CCT2: variants seen among roughly 807,000 people sequenced by gnomAD.
CCT2 encodes chaperonin containing TCP1 subunit 2.
In CCT2, 18 loss-of-function variants were observed where a neutral mutation model predicts 61.8. The observed-to-expected ratio is 0.29, with a 90% CI of 0.20 to 0.43. The LOEUF (loss-of-function observed/expected upper bound fraction) is 0.43, where lower values mean the gene tolerates loss of function less well. Among genes scored for constraint, CCT2 ranks in the 20% least tolerant of loss-of-function variants. The probability of loss-of-function intolerance (pLI) is 1.00; values close to 1 mark genes in which losing one functional copy is unlikely to be tolerated. For synonymous variants in CCT2, 248 were observed against 215.9 expected, an observed-to-expected ratio of 1.15 and a Z score of -1.30; for missense variants, 556 against 656.9, an observed-to-expected ratio of 0.85 and a Z score of 1.68.
chr12:69,597,423 T>G (rs1437007361), intron 11 of CCT2, 148 bp downstream of exon 11: 1 of 1,151,326 alleles, frequency 8.7e-7, no homozygotes, highest in Non-Finnish European at 1.2e-6. Context: ...GTCTCTTGAG[T>G]CAACCTCATA....
Position 69,593,004 on chromosome 12 carries a change from C to A in CCT2, c.779C>A (p.Ser260Tyr), listed in dbSNP as rs1881881779. The A allele has an allele frequency of 6.2e-7, 1 of 1,613,378 alleles. No individual in the cohort carries two copies. The highest frequency in any genetic ancestry group is 1.3e-5 in the African/African-American group (1 of 74,858). Residue 260 changes from serine to tyrosine, a missense_variant, in exon 9 of 16, where the codon TCT becomes TAT. Ser to Tyr is a moderately radical substitution (Grantham distance 144, BLOSUM62 -2). Coordinates refer to ENST00000299300, the MANE Select transcript of CCT2 (RefSeq NM_006431.3). ...TTTGGTTCCCGGGTAAGAGTTGACT[C>A]TACAGCAAAGGTTGCAGAAATAGAA... is the stretch of plus-strand genomic sequence containing the variant. The part of the protein sequence containing the change: ...KIFGSRVRVD[S>Y]TAKVAEIEHA...
chr12:69,595,754 C>T (rs971841328), intron 10 of CCT2, among the ~76,000 whole-genome samples: 5 of 150,806 alleles, frequency 3.3e-5, no homozygotes, highest in South Asian at 2.1e-4. Flanking sequence ...ATAAACATAT[C>T]GTAAGGTCTT....
At chr12:69,597,433 A>G (rs576931199) in intron 11 of CCT2, among the ~76,000 whole-genome samples, 158 bp downstream of exon 11, 136 of 152,234 alleles carry the variant, frequency 8.9e-4, no homozygotes, top group African/African-American at 3.1e-3. Context: ...TCAACCTCAT[A>G]TTTACCGTGT....
chr12:69,593,375 A>T, intron 9 of CCT2, 135 bp from the exon 10 acceptor site: 1 of 643,216 alleles, frequency 1.6e-6, no homozygotes, highest in Non-Finnish European at 2.6e-6. Context: ...CTCTAATTAT[A>T]TAGGTAAGAA....
chr12:69,589,459 A>G, intron 6 of CCT2, 26 bp from the exon 7 acceptor site: 1 of 1,556,644 alleles, frequency 6.4e-7, no homozygotes, highest in East Asian at 2.2e-5. Context: ...TAGGGTTAAT[A>G]TGTATATTTG....
At chr12:69,593,665 T>G in intron 10 of CCT2, 52 bp downstream of exon 10, 1 of 1,102,148 alleles carries the variant, frequency 9.1e-7, no homozygotes, top group East Asian at 2.4e-5. Flanking sequence ...ACTCTTGAAT[T>G]TGTTATTTGT....
In CCT2 at chr12:69,587,991, A is replaced by C; in HGVS notation, c.318A>C (p.Ala106=). The change falls in exon 5 of 16, where the codon GCA becomes GCC. Residue 106 remains alanine, a synonymous_variant. Coordinates refer to ENST00000299300, the MANE Select transcript of CCT2 (RefSeq NM_006431.3). ...GCACTACCTCTGTTACCGTTTTAGC[A>C]GCAGAATTATTAAGGGTAAGAGCAA... The part of the protein sequence containing the change: ...GDGTTSVTVL[A]AELLREAESL... 1.2e-6 allele frequency: 2 copies of C among 1,613,460 alleles called. No individual in the cohort carries two copies. Among genetic ancestry groups the C allele is most frequent in the Non-Finnish European group, 1.7e-6 (2 of 1,179,382 alleles).
chr12:69,592,927 CAA>C (rs763570056), intron 8 of CCT2, 47 bp from the exon 9 acceptor site: 26 of 1,578,290 alleles, frequency 1.6e-5, no homozygotes, highest in Non-Finnish European at 2.1e-5. Context: ...GACTCAATCT[CAA>C]AAAAAATAAT....
chr12:69,586,725 C>T (rs756293245), intron 2 of CCT2, 28 bp from the exon 3 acceptor site: 8 of 1,506,172 alleles, frequency 5.3e-6, no homozygotes, highest in African/African-American at 1.4e-5. Flanking sequence ...AAAGTTGATT[C>T]TGATAATCTC....
intron 15 of CCT2, 90 bp from the exon 16 acceptor site, chr12:69,601,205 G>A (rs1254560412): frequency 2.9e-6 from 3 of 1,048,102 alleles, no homozygotes; most frequent in Non-Finnish European, 4.2e-6. Flanking sequence ...TTTTAATACA[G>A]GATTCTAGTT....
At position 69,588,904 on chromosome 12, in the gene CCT2, T is replaced by TA. The variant is rs199805056; in HGVS notation, c.447-580dup. On this transcript the variant is annotated intron_variant, in intron 6 of 15. Coordinates refer to ENST00000299300, the MANE Select transcript of CCT2 (RefSeq NM_006431.3). ...TTGCCCATTCACAACTGTATAATAATACTTGTTTTTCACGTCCTTTTATTT... is the reference window on the plus strand; with the variant it reads ...TTGCCCATTCACAACTGTATAATAATAACTTGTTTTTCACGTCCTTTTATTT... Among the ~76,000 whole-genome samples, 1,522 of 152,344 alleles carry TA rather than the reference T, an allele frequency of 1.0e-2. 21 individuals are homozygous for TA. The highest frequency in any genetic ancestry group is 0.035 in the African/African-American group (1,464 of 41,574).
intron 2 of CCT2, 52 bp from the exon 3 acceptor site, chr12:69,586,701 T>C: frequency 7.9e-7 from 1 of 1,259,660 alleles, no homozygotes; most frequent in Non-Finnish European, 1.1e-6. Flanking sequence ...GATAAAACTG[T>C]ACTTGAAGAC....
Position 69,585,459 on chromosome 12 carries a change from A to T in CCT2, c.-63A>T, listed in dbSNP as rs1346714903. ...TGTGGCGTCACTTCCGGCTTCCTTC[A>T]GTCCGCTGGTCCCGAGCACGAGCTG... On this transcript the variant is annotated 5_prime_UTR_variant, in exon 1 of 16. Coordinates refer to ENST00000299300, the MANE Select transcript of CCT2 (RefSeq NM_006431.3). The T allele has an allele frequency of 6.5e-7, 1 of 1,547,446 alleles. No individual in the cohort carries two copies. Among genetic ancestry groups the T allele is most frequent in the South Asian group, 1.2e-5 (1 of 84,020 alleles).
chr12:69,585,723 C>T, intron 1 of CCT2, 199 bp downstream of exon 1: 1 of 1,462,044 alleles, frequency 6.8e-7, no homozygotes, highest in Non-Finnish European at 9.0e-7. Context: ...AGGGGTGGAC[C>T]GCAAAGCCAG....
chr12:69,586,033 G>A (rs184089227), intron 1 of CCT2: 2 of 1,384,544 alleles, frequency 1.4e-6, no homozygotes, highest in East Asian at 5.6e-5. Flanking sequence ...AATCTCGCTG[G>A]TGTATAATTT....
At chr12:69,592,695 C>G (rs562405461) in intron 8 of CCT2, 1 of 270,536 alleles carries the variant, frequency 3.7e-6, no homozygotes. Context: ...GGAGGCCAGG[C>G]GGGCGGATCA....
Position 69,600,001 on chromosome 12 carries a change from C to A in CCT2, c.1574C>A (p.Pro525His). ...GTGGACAACATCATCAAAGCGGCAC[C>A]CAGGTACCCTAACACTTTTCTCAGA... ...LRVDNIIKAA[P>H]RKRVPDHHPC Residue 525 changes from proline to histidine, a missense_variant, in exon 15 of 16, where the codon CCC becomes CAC. By Grantham distance (77) the Pro-to-His change is moderately conservative (BLOSUM62 -2). This residue lies in a region of CCT2 where 225 missense variants were observed against 249.8 expected (regional missense o/e 0.90). Coordinates refer to ENST00000299300, the MANE Select transcript of CCT2 (RefSeq NM_006431.3). 5 of 1,606,942 alleles carry A rather than the reference C, an allele frequency of 3.1e-6. No homozygotes were observed. The highest frequency in any genetic ancestry group is 4.2e-6 in the Non-Finnish European group (5 of 1,177,236).
rs899183424 is a variant in CCT2 at position 69,601,427 on chromosome 12, T to G, written c.*102T>G. On this transcript the variant is annotated 3_prime_UTR_variant, in exon 16 of 16. Transcript: ENST00000299300. Reference sequence around the variant, plus strand: ...TGTGGAATCTGTTTATCGGTGCCCATTATATCCTTAAGTTTGGATATTTAG... The same window carrying G: ...TGTGGAATCTGTTTATCGGTGCCCAGTATATCCTTAAGTTTGGATATTTAG... 6.2e-7 allele frequency: 1 copy of G among 1,605,366 alleles called. No individual in the cohort carries two copies. The highest frequency in any genetic ancestry group is 1.3e-5 in the African/African-American group (1 of 74,456).
chr12:69,596,731 T>C (rs865839018), intron 10 of CCT2, among the ~76,000 whole-genome samples: 5 of 152,194 alleles, frequency 3.3e-5, no homozygotes, highest in Admixed American at 6.5e-5. Flanking sequence ...CTTAGTCTTA[T>C]AGGTTGGATT....
Sources: gnomAD v4.1 joint callset for allele counts (sites outside exome capture counted in the v4.1 genomes callset) on GRCh38, gnomAD v4.1.1 for gene constraint, gnomAD v4.1.1 regional missense constraint, MANE v1.5 for transcripts, NCBI Gene and HGNC (gene_info 2026-07-23, HGNC 2026-07-21) for gene names.